DYSF: variants seen among roughly 807,000 people sequenced by gnomAD.
DYSF encodes dystrophy-associated fer-1-like 1.
In DYSF, 212 loss-of-function variants were observed where a neutral mutation model predicts 274.9. The observed-to-expected ratio is 0.77, with a 90% CI of 0.69 to 0.86. The LOEUF is 0.86. Among genes scored for constraint, DYSF ranks in the 40% least tolerant of loss-of-function variants. The probability of loss-of-function intolerance (pLI) is 0.00; values close to 1 mark genes in which losing one functional copy is unlikely to be tolerated. For synonymous variants in DYSF, 1,091 were observed against 1,078.7 expected (o/e 1.01, Z -0.22); for missense variants, 2,666 against 2,783.2 (o/e 0.96, Z 0.95).
intron 43 of DYSF, among the ~76,000 whole-genome samples, chr2:71,657,339 G>A (rs942000042): frequency 9.9e-5 from 15 of 152,106 alleles, no homozygotes; most frequent in Admixed American, 5.2e-4. Flanking sequence ...CAGGGTACAG[G>A]CTCCCTCCTG....
intron 3 of DYSF, among the ~76,000 whole-genome samples, chr2:71,499,927 C>T (rs1322666901): frequency 6.6e-6 from 1 of 152,162 alleles, no homozygotes; most frequent in Non-Finnish European, 1.5e-5. Flanking sequence ...ATAGCTGGCC[C>T]TGTGCAGGAC....
upstream of DYSF, among the ~76,000 whole-genome samples, chr2:71,462,905 C>T (rs1476494160): frequency 6.6e-5 from 10 of 152,138 alleles, no homozygotes; most frequent in Admixed American, 5.9e-4. Context: ...GCTGTTTGGT[C>T]CATGGGTGAC....
intron 1 of DYSF, among the ~76,000 whole-genome samples, chr2:71,456,750 A>G (rs2081081774): frequency 6.6e-6 from 1 of 152,160 alleles, no homozygotes; most frequent in African/African-American, 2.4e-5. Context: ...AGCCTGGCCA[A>G]GGTCACATAG....
At chr2:71,523,086 A>G (rs2087478569) in intron 12 of DYSF, among the ~76,000 whole-genome samples, 1 of 152,218 alleles carries the variant, frequency 6.6e-6, no homozygotes, top group Non-Finnish European at 1.5e-5. Flanking sequence ...CATGAATGCC[A>G]CAGTCCAGAA....
chr2:71,523,206 A>G (rs2087495986), intron 12 of DYSF, among the ~76,000 whole-genome samples: 1 of 152,172 alleles, frequency 6.6e-6, no homozygotes, highest in Non-Finnish European at 1.5e-5. Context: ...TCCAGTTCCC[A>G]TCACCATGTC....
chr2:71,637,782 T>C (rs1478507018), intron 41 of DYSF, among the ~76,000 whole-genome samples: 2 of 152,166 alleles, frequency 1.3e-5, no homozygotes, highest in Non-Finnish European at 2.9e-5. Context: ...AACAAAGCAT[T>C]GTAGGACCAA....
rs373556395 is a variant in DYSF, at chr2:71,623,282, G to A, written c.4527+2673G>A. Among the ~76,000 whole-genome samples, 104 of 150,882 alleles carry A rather than the reference G, an allele frequency of 6.9e-4. 2 individuals are homozygous for A. In the East Asian group the frequency reaches 0.016, roughly 24 times the overall value. On this transcript the variant is annotated intron_variant, in intron 41 of 55. Transcript: ENST00000410020. ...GCTGGTGCGCTGCACCCACTAACTCGTCATCTAGCATTAGGTATATCTCCC... is the reference window on the plus strand; with the variant it reads ...GCTGGTGCGCTGCACCCACTAACTCATCATCTAGCATTAGGTATATCTCCC...
In DYSF at chr2:71,612,663, A is replaced by C. The variant is rs775254512; in HGVS notation, c.4244A>C (p.Tyr1415Ser). 6 of 1,613,998 alleles carry C rather than the reference A, an allele frequency of 3.7e-6. No individual in the cohort carries two copies. Among genetic ancestry groups the C allele is most frequent in the Non-Finnish European group, 5.1e-6 (6 of 1,179,974 alleles). ...MEVMLPREEL[Y>S]CPPITVKVID... ...CAGATGCTGCCCAGGGAGGAGCTCT[A>C]CTGCCCCCCCATCACCGTCAAGGTC... The change falls in exon 39 of 56, where the codon TAC (tyrosine) becomes TCC (serine). Residue 1415 changes from tyrosine to serine, a missense_variant. Physicochemically the swap from Tyr to Ser is moderately radical, Grantham distance 144 (BLOSUM62 -2). Coordinates refer to ENST00000410020, the MANE Select transcript of DYSF (RefSeq NM_001130987.2).
intron 54 of DYSF, 49 bp from the exon 55 acceptor site, chr2:71,682,481 G>A: frequency 6.2e-7 from 1 of 1,613,598 alleles, no homozygotes; most frequent in Non-Finnish European, 8.5e-7. Flanking sequence ...TTTGGAGAAA[G>A]CAGCCCTAGT....
intron 17 of DYSF, among the ~76,000 whole-genome samples, chr2:71,541,671 G>A (rs116074257): frequency 0.015 from 2,340 of 151,932 alleles, 35 homozygotes; most frequent in Non-Finnish European, 0.02. Context: ...AATAATGAAA[G>A]TATGGTTTCT....
At chr2:71,486,747 T>A (rs1185630525) in intron 3 of DYSF, among the ~76,000 whole-genome samples, 2 of 152,126 alleles carry the variant, frequency 1.3e-5, no homozygotes, top group African/African-American at 4.8e-5. Flanking sequence ...CTGGCTAAAA[T>A]CAGGTTTCCA....
chr2:71,470,542 T>C (rs1341093580), intron 1 of DYSF, among the ~76,000 whole-genome samples: 1 of 151,156 alleles, frequency 6.6e-6, no homozygotes, highest in Non-Finnish European at 1.5e-5. Context: ...GGTGTGGTGG[T>C]GGGTGCCTGT....
chr2:71,597,981 C>T (rs1001683910), intron 32 of DYSF, among the ~76,000 whole-genome samples: 2 of 152,192 alleles, frequency 1.3e-5, no homozygotes, highest in African/African-American at 4.8e-5. Context: ...AGTCTGGTGG[C>T]ATCCCAGAGC....
intron 17 of DYSF, among the ~76,000 whole-genome samples, chr2:71,547,631 C>T (rs929416241): frequency 6.6e-6 from 1 of 152,086 alleles, no homozygotes; most frequent in African/African-American, 2.4e-5. Context: ...AAGAGCAAGA[C>T]ACTGTCTCAA....
chr2:71,651,832 TA>T (rs1414449144), intron 42 of DYSF, among the ~76,000 whole-genome samples: 10 of 152,142 alleles, frequency 6.6e-5, no homozygotes. Flanking sequence ...TCCAGGAATA[TA>T]AAAAGTTCAA....
At chr2:71,671,444 G>A (rs755509670) in intron 51 of DYSF, among the ~76,000 whole-genome samples, 3 of 152,244 alleles carry the variant, frequency 2.0e-5, no homozygotes, top group Non-Finnish European at 2.9e-5. Context: ...AGTGGAGAGG[G>A]AGGGCTGCGC....
At chr2:71,653,112 A>G (rs1487180170) in intron 42 of DYSF, among the ~76,000 whole-genome samples, 1 of 152,220 alleles carries the variant, frequency 6.6e-6, no homozygotes, top group Non-Finnish European at 1.5e-5. Flanking sequence ...ACAATGAGAT[A>G]CCATCTCACA....
intron 30 of DYSF, among the ~76,000 whole-genome samples, chr2:71,582,106 C>CAAAAAAAAAAA (rs1159294834): frequency 1.4e-4 from 5 of 35,120 alleles, no homozygotes; most frequent in East Asian, 8.4e-4. Flanking sequence ...GACTCCGTCT[C>CAAAAAAAAAAA]AAAAAAAAAA....
chr2:71,579,182 G>A (rs767867655), intron 30 of DYSF, among the ~76,000 whole-genome samples: 1 of 152,146 alleles, frequency 6.6e-6, no homozygotes, highest in Non-Finnish European at 1.5e-5. Flanking sequence ...GGGAACTCTG[G>A]TGACGGCTGC....
Sources: gnomAD v4.1 joint callset for allele counts (sites outside exome capture counted in the v4.1 genomes callset) on GRCh38, gnomAD v4.1.1 for gene constraint, MANE v1.5 for transcripts, NCBI Gene and HGNC (gene_info 2026-07-23, HGNC 2026-07-21) for gene names.